RP1: variants seen among roughly 807,000 people sequenced by gnomAD.
RP1 encodes oxygen-regulated protein 1.
RP1 carries 16 observed loss-of-function variants against 14.8 expected under a neutral mutation model. That is an observed-to-expected ratio of 1.08 (90% CI 0.73 to 1.65). The LOEUF (loss-of-function observed/expected upper bound fraction) is 1.65, where lower values mean the gene tolerates loss of function less well. Among genes scored for constraint, RP1 ranks in the 40% most tolerant of loss-of-function variants. RP1 has a pLI of 0.00. For synonymous variants in RP1, 876 were observed against 883.6 expected, an observed-to-expected ratio of 0.99 and a Z score of 0.15; for missense variants, 2,631 against 2,535.0, an observed-to-expected ratio of 1.04 and a Z score of -0.81.
intron 27 of RP1, among the ~76,000 whole-genome samples, chr8:54,861,804 A>G (rs1812349501): frequency 1.3e-5 from 2 of 152,088 alleles, no homozygotes; most frequent in South Asian, 4.1e-4. Context: ...GGGTTTTGCC[A>G]TGTTGGCCAG....
At chr8:54,785,521 G>A (rs1810296721) in intron 24 of RP1, among the ~76,000 whole-genome samples, 1 of 151,690 alleles carries the variant, frequency 6.6e-6, no homozygotes, top group South Asian at 2.1e-4. Flanking sequence ...GTTTCACTAT[G>A]TATGTATCAT....
chr8:54,661,423 G>A (rs1467556337), intron 6 of RP1, among the ~76,000 whole-genome samples: 1 of 151,128 alleles, frequency 6.6e-6, no homozygotes, highest in Non-Finnish European at 1.5e-5. Context: ...AGGATGCAGT[G>A]AGCCATGATT....
intron 6 of RP1, among the ~76,000 whole-genome samples, chr8:54,657,846 T>C (rs897286714): frequency 6.6e-6 from 1 of 152,240 alleles, no homozygotes; most frequent in African/African-American, 2.4e-5. Context: ...TAAAGGTTCC[T>C]AACAAAACAC....
intron 18 of RP1, among the ~76,000 whole-genome samples, chr8:54,738,721 T>C (rs946330759): frequency 6.6e-6 from 1 of 152,190 alleles, no homozygotes; most frequent in Admixed American, 6.6e-5. Context: ...TCCTTCTGCA[T>C]ATTTTTAGTC....
chr8:54,565,225 C>G (rs781688260), intron 1 of RP1, among the ~76,000 whole-genome samples: 7 of 152,234 alleles, frequency 4.6e-5, no homozygotes, highest in Non-Finnish European at 8.8e-5. Context: ...GTGCAAGGTC[C>G]AGGAAGACAG....
chr8:54,662,512 T>A (rs911851909), intron 6 of RP1, among the ~76,000 whole-genome samples: 1 of 152,168 alleles, frequency 6.6e-6, no homozygotes, highest in Non-Finnish European at 1.5e-5. Context: ...GAATGTTGGC[T>A]CCAATGTGCT....
Position 54,726,389 on chromosome 8 carries a change from G to T in RP1, c.2434G>T (p.Glu812Ter). The change falls in exon 17 of 23, where the codon GAA becomes TAA. Residue 812 changes from glutamate to a stop codon, truncating the protein, a stop_gained. Coordinates refer to the RP1 transcript ENST00000636932. LOFTEE classifies it high-confidence loss of function. ...GGGAATGTCTGCAACACCCAGCCAA[G>T]AAGAAGAAAAGATCCATGAGTCAAA... 6.5e-7 allele frequency: 1 copy of T among 1,532,968 alleles called. No homozygotes were observed. Among genetic ancestry groups the T allele is most frequent in the Non-Finnish European group, 8.7e-7 (1 of 1,145,152 alleles). The allele number at this position is 1,532,968 out of a possible 1,614,324, so 95.0% of individuals were successfully genotyped here. A position where few individuals can be genotyped will look rare whatever the true frequency, so the allele number is the denominator to read the frequency against.
At chr8:54,604,596 T>A (rs1805380621) in intron 1 of RP1, among the ~76,000 whole-genome samples, 1 of 152,210 alleles carries the variant, frequency 6.6e-6, no homozygotes, top group South Asian at 2.1e-4. Context: ...TTGATTGGAA[T>A]AGTTTCAGAA....
At chr8:54,808,438 C>T (rs538203931) in intron 24 of RP1, among the ~76,000 whole-genome samples, 3 of 152,300 alleles carry the variant, frequency 2.0e-5, no homozygotes, top group African/African-American at 7.2e-5. Context: ...CACAGATTTG[C>T]CATCAGCCTG....
chr8:54,816,180 G>A (rs1811128696), intron 24 of RP1, among the ~76,000 whole-genome samples: 4 of 152,142 alleles, frequency 2.6e-5, no homozygotes, highest in Admixed American at 2.6e-4. Flanking sequence ...ATTTAATAAA[G>A]TCACTGACTA....
chr8:54,741,918 A>G (rs1809108433), intron 19 of RP1, among the ~76,000 whole-genome samples: 1 of 151,444 alleles, frequency 6.6e-6, no homozygotes, highest in South Asian at 2.1e-4. Flanking sequence ...CCTTACAAAT[A>G]CCACTGTATT....
At chr8:54,827,787 A>T (rs1811418640) in intron 24 of RP1, among the ~76,000 whole-genome samples, 1 of 151,922 alleles carries the variant, frequency 6.6e-6, no homozygotes, top group Admixed American at 6.6e-5. Context: ...AATCTCAGCT[A>T]CTCGGGAGGC....
At chr8:54,788,411 C>G (rs1810379407) in intron 24 of RP1, among the ~76,000 whole-genome samples, 1 of 152,138 alleles carries the variant, frequency 6.6e-6, no homozygotes, top group African/African-American at 2.4e-5. Context: ...CTCTGTATGA[C>G]TTTCTTTTCT....
At chr8:54,612,146 T>C (rs1805613370), upstream of RP1, among the ~76,000 whole-genome samples, 1 of 152,146 alleles carries the variant, frequency 6.6e-6, no homozygotes. Flanking sequence ...AAGAAAAACG[T>C]CCCAGGTATT....
intron 24 of RP1, among the ~76,000 whole-genome samples, chr8:54,807,064 C>G (rs1377569574): frequency 6.6e-6 from 1 of 152,178 alleles, no homozygotes; most frequent in Non-Finnish European, 1.5e-5. Context: ...TATTGACCAC[C>G]TGCAAAGGGC....
chr8:54,762,371 G>A (rs1809660645), intron 22 of RP1, among the ~76,000 whole-genome samples: 1 of 152,136 alleles, frequency 6.6e-6, no homozygotes, highest in Admixed American at 6.5e-5. Flanking sequence ...ATGCATCACA[G>A]AGGCTGCCTG....
downstream of RP1, among the ~76,000 whole-genome samples, chr8:54,770,856 T>C (rs995792426): frequency 6.6e-6 from 1 of 152,030 alleles, no homozygotes; most frequent in Admixed American, 6.5e-5. Context: ...TATTAGGTCC[T>C]CTTCAAATCA....
At chr8:54,607,549 G>T (rs1027644835) in intron 1 of RP1, among the ~76,000 whole-genome samples, 48 of 152,286 alleles carry the variant, frequency 3.2e-4, no homozygotes, top group African/African-American at 1.0e-3. Context: ...CATGCTGGGA[G>T]AACCACTACT....
At chr8:54,668,878 C>T (rs1807078183) in intron 7 of RP1, among the ~76,000 whole-genome samples, 1 of 152,120 alleles carries the variant, frequency 6.6e-6, no homozygotes, top group South Asian at 2.1e-4. Context: ...AAAATTAATT[C>T]AAGATGGGTT....
Sources: gnomAD v4.1 joint callset for allele counts (sites outside exome capture counted in the v4.1 genomes callset) on GRCh38, gnomAD v4.1.1 for gene constraint, MANE v1.5 for transcripts, NCBI Gene and HGNC (gene_info 2026-07-23, HGNC 2026-07-21) for gene names.